AVEN: variants seen among roughly 807,000 people sequenced by gnomAD.
AVEN encodes apoptosis and caspase activation inhibitor, also known as cell death regulator Aven.
Under a neutral mutation model 38.1 loss-of-function variants are expected in AVEN, and 41 were observed. The observed-to-expected ratio is 1.08, with a 90% CI of 0.84 to 1.40. AVEN has a LOEUF of 1.40. AVEN is among the 40% of genes most tolerant of loss of function. AVEN has a pLI of 0.00. For missense variants in AVEN, 605 were observed against 438.8 expected (o/e 1.38, Z -3.38); for synonymous variants, 206 against 171.8 (o/e 1.20, Z -1.56).
intron 2 of AVEN, among the ~76,000 whole-genome samples, chr15:33,999,215 G>C (rs985357818): frequency 1.3e-5 from 2 of 152,178 alleles, no homozygotes; most frequent in Non-Finnish European, 2.9e-5. Context: ...TCAGAGTGGG[G>C]TCATCTTCAC....
chr15:33,854,799 T>C (rs1217945057), downstream of AVEN: 1 of 1,613,280 alleles, frequency 6.2e-7, no homozygotes, highest in Non-Finnish European at 8.5e-7. Context: ...TACAACCATG[T>C]CAGTCCTGGG....
chr15:33,905,318 T>C (rs1475836468), intron 2 of AVEN, among the ~76,000 whole-genome samples: 1 of 152,110 alleles, frequency 6.6e-6, no homozygotes, highest in Non-Finnish European at 1.5e-5. Context: ...TTAAATTATC[T>C]AAGCTTCAAT....
rs777202554 is a variant in AVEN at position 33,867,725 on chromosome 15, G to A, written c.743C>T (p.Ala248Val). 2.5e-6 allele frequency: 4 copies of A among 1,614,170 alleles called. No homozygotes were observed. The highest frequency in any genetic ancestry group is 3.4e-6 in the Non-Finnish European group (4 of 1,180,024). ...RGPIFELKSV[A>V]AGCPVLLGKD... is the part of the protein sequence containing the mutation. ...GCCCAGCAACACAGGGCAGCCAGCA[G>A]CCACAGATTTCAGCTCAAAGATGGG... The change falls in exon 5 of 6, where the codon GCT becomes GTT. Residue 248 changes from alanine to valine, a missense_variant. Transcript: ENST00000306730.
chr15:34,000,209 T>C (rs1387203517), intron 2 of AVEN, among the ~76,000 whole-genome samples: 1 of 152,236 alleles, frequency 6.6e-6, no homozygotes, highest in African/African-American at 2.4e-5. Flanking sequence ...TTATTTCTAT[T>C]CTAAGCAATT....
rs144222156 is a variant in AVEN at position 33,894,829 on chromosome 15, CAATAATAAT to C, written c.446-18843_446-18835del. ...CATCTCAAAAAAAAAAAAATAATAA[CAATAATAAT>C]AATAATAATAATAATAGAATGCTGT... On this transcript the variant is annotated intron_variant, in intron 2 of 5. Transcript: ENST00000306730. Among the ~76,000 whole-genome samples, 6 of 24,100 alleles carry C rather than the reference CAATAATAAT, an allele frequency of 2.5e-4. No homozygotes were observed. The Non-Finnish European group carries it at 2.5e-3, about 10-fold the overall frequency. The allele number at this position is 24,100 out of a possible 152,430, so 15.8% of individuals were successfully genotyped here.
chr15:33,902,701 C>G (rs1892539221), intron 2 of AVEN, among the ~76,000 whole-genome samples: 1 of 152,152 alleles, frequency 6.6e-6, no homozygotes, highest in South Asian at 2.1e-4. Flanking sequence ...AATAAATGAA[C>G]TCAGTAAAGT....
intron 2 of AVEN, among the ~76,000 whole-genome samples, chr15:33,921,003 G>A (rs751745523): frequency 1.3e-5 from 2 of 152,024 alleles, no homozygotes; most frequent in South Asian, 2.1e-4. Context: ...TTGGAACACC[G>A]GAGCTCAAGT....
At chr15:33,986,311 A>G (rs963550013) in intron 2 of AVEN, among the ~76,000 whole-genome samples, 9 of 151,924 alleles carry the variant, frequency 5.9e-5, no homozygotes, top group African/African-American at 2.2e-4. Flanking sequence ...GGGTTTCACC[A>G]TGTTAGCCAG....
chr15:33,960,751 T>A (rs527380997), intron 2 of AVEN, among the ~76,000 whole-genome samples: 1 of 152,260 alleles, frequency 6.6e-6, no homozygotes, highest in East Asian at 1.9e-4. Flanking sequence ...GACTTGAGTA[T>A]AACATAAAGA....
At chr15:34,041,114 T>G (rs1311684780), upstream of AVEN, among the ~76,000 whole-genome samples, 1 of 152,002 alleles carries the variant, frequency 6.6e-6, no homozygotes, top group African/African-American at 2.4e-5. Context: ...TGGGTAACAT[T>G]TTGTGGCGGT....
downstream of AVEN, chr15:33,865,284 C>A: frequency 8.0e-7 from 1 of 1,245,500 alleles, no homozygotes; most frequent in Non-Finnish European, 1.2e-6. Flanking sequence ...AAATAAAGTC[C>A]CCTTTTTACA....
chr15:34,065,581 G>A (rs910482293), intron 4 of AVEN: 4 of 152,160 alleles, frequency 2.6e-5, no homozygotes, highest in African/African-American at 9.7e-5. Context: ...TTGAGGGTGC[G>A]ATGAAGCTGA....
chr15:33,864,226 C>G, downstream of AVEN: 1 of 1,534,300 alleles, frequency 6.5e-7, no homozygotes, highest in South Asian at 1.2e-5. Flanking sequence ...TGTTAGATCT[C>G]CCTTTCCTAA....
intron 2 of AVEN, among the ~76,000 whole-genome samples, chr15:33,948,347 G>A (rs947288522): frequency 6.6e-5 from 10 of 151,796 alleles, no homozygotes; most frequent in African/African-American, 1.9e-4. Context: ...CACCCGGCTC[G>A]GCCTCCCAAA....
chr15:34,028,259 G>C (rs1898593894), intron 1 of AVEN, among the ~76,000 whole-genome samples: 1 of 152,146 alleles, frequency 6.6e-6, no homozygotes, highest in Admixed American at 6.5e-5. Context: ...GTTTGCATCT[G>C]ACCTACACAC....
At chr15:33,907,217 G>A (rs1892740675) in intron 2 of AVEN, among the ~76,000 whole-genome samples, 1 of 152,160 alleles carries the variant, frequency 6.6e-6, no homozygotes, top group Non-Finnish European at 1.5e-5. Flanking sequence ...ACACCTACTA[G>A]GCACCAAGTT....
chr15:33,961,682 G>T (rs569136710), intron 2 of AVEN, among the ~76,000 whole-genome samples: 8 of 151,248 alleles, frequency 5.3e-5, no homozygotes, highest in Non-Finnish European at 1.2e-4. Context: ...GCGTGGTGGC[G>T]GGCACCTGTA....
At chr15:33,853,186 C>T in the AVEN span, 3 of 1,069,470 alleles carry the variant, frequency 2.8e-6, no homozygotes, top group African/African-American at 4.8e-5. Flanking sequence ...TGTGATGCTA[C>T]TTTTATGATA....
intron 2 of AVEN, among the ~76,000 whole-genome samples, chr15:33,930,256 C>A (rs1411217896): frequency 1.3e-5 from 2 of 151,626 alleles, no homozygotes; most frequent in African/African-American, 2.4e-5. Flanking sequence ...TATTATGGAC[C>A]TGATTTGGGA....
Sources: gnomAD v4.1 joint callset for allele counts (sites outside exome capture counted in the v4.1 genomes callset) on GRCh38, gnomAD v4.1.1 for gene constraint, MANE v1.5 for transcripts, NCBI Gene and HGNC (gene_info 2026-07-23, HGNC 2026-07-21) for gene names.